Variants in BAZ2B observed in about 807,000 individuals in gnomAD.
The protein encoded by BAZ2B is bromodomain adjacent to zinc finger domain 2B.
In BAZ2B, 91 loss-of-function variants were observed where a neutral mutation model predicts 246.0. That is an observed-to-expected ratio of 0.37 (90% CI 0.31 to 0.44). The LOEUF (loss-of-function observed/expected upper bound fraction) is 0.44. Among genes scored for constraint, BAZ2B ranks in the 20% least tolerant of loss-of-function variants. BAZ2B has a pLI of 1.00. For missense variants in BAZ2B, 2,332 were observed against 2,533.7 expected (o/e 0.92, Z 1.71); for synonymous variants, 855 against 860.0 (o/e 0.99, Z 0.10).
chr2:159,337,822 G>A (rs1044918554), intron 31 of BAZ2B, 50 bp from the exon 32 acceptor site: 12 of 1,535,882 alleles, frequency 7.8e-6, no homozygotes, highest in East Asian at 6.8e-5. Context: ...AAAATGCTAG[G>A]TGGGTGAATT....
At chr2:159,375,052 C>A (rs573787074) in intron 25 of BAZ2B, among the ~76,000 whole-genome samples, 3 of 152,104 alleles carry the variant, frequency 2.0e-5, no homozygotes, top group Admixed American at 6.5e-5. Flanking sequence ...CCAGTATCTA[C>A]GAAAAATAAA....
At chr2:159,414,070 A>T (rs2067245737) in intron 13 of BAZ2B, among the ~76,000 whole-genome samples, 1 of 152,224 alleles carries the variant, frequency 6.6e-6, no homozygotes, top group African/African-American at 2.4e-5. Context: ...TGGAGTACTT[A>T]TTCAGCCATA....
At chr2:159,604,951 T>TGTGCGCGC (rs137899225) in intron 1 of BAZ2B, among the ~76,000 whole-genome samples, 1 of 144,328 alleles carries the variant, frequency 6.9e-6, no homozygotes, top group African/African-American at 2.6e-5. Context: ...TGTGTGTGTG[T>TGTGCGCGC]GCGCGTGTGT....
chr2:159,525,319 G>GA (rs1159919354), intron 2 of BAZ2B, among the ~76,000 whole-genome samples: 1 of 152,062 alleles, frequency 6.6e-6, no homozygotes, highest in African/African-American at 2.4e-5. Context: ...CTAATAACAG[G>GA]AATCATGAGT....
intron 25 of BAZ2B, among the ~76,000 whole-genome samples, chr2:159,381,267 T>C (rs2061967235): frequency 6.6e-6 from 1 of 152,166 alleles, no homozygotes; most frequent in Non-Finnish European, 1.5e-5. Context: ...TCTAACTGAC[T>C]GCTAAGCTCC....
chr2:159,432,462 C>T (rs1157696828), intron 9 of BAZ2B, among the ~76,000 whole-genome samples: 1 of 152,030 alleles, frequency 6.6e-6, no homozygotes, highest in East Asian at 1.9e-4. Context: ...AAGAGTGGTC[C>T]TGAATGAAAT....
At chr2:159,321,827 T>G (rs190893962) in intron 36 of BAZ2B, 2 of 152,184 alleles carry the variant, frequency 1.3e-5, no homozygotes, top group Non-Finnish European at 2.9e-5. Context: ...AGACCTAGTA[T>G]GTGACAGCAC....
chr2:159,469,395 A>T (rs1358765887), intron 3 of BAZ2B, among the ~76,000 whole-genome samples: 1 of 152,060 alleles, frequency 6.6e-6, no homozygotes, highest in African/African-American at 2.4e-5. Context: ...AGAGAAAAAG[A>T]TATCCTGAAT....
At chr2:159,577,644 T>G (rs1033603328) in intron 1 of BAZ2B, among the ~76,000 whole-genome samples, 12 of 152,136 alleles carry the variant, frequency 7.9e-5, no homozygotes, top group Admixed American at 2.0e-4. Context: ...TAGAGAAACC[T>G]GACAGCCTAG....
chr2:159,316,687 C>T (rs1262107328), downstream of BAZ2B, among the ~76,000 whole-genome samples: 2 of 18,748 alleles, frequency 1.1e-4, no homozygotes, highest in Non-Finnish European at 3.4e-4. Context: ...AAGACTCCAT[C>T]TCAAAAAAAA....
At chr2:159,611,059 T>C (rs1694620949) in intron 1 of BAZ2B, among the ~76,000 whole-genome samples, 1 of 151,946 alleles carries the variant, frequency 6.6e-6, no homozygotes, top group Non-Finnish European at 1.5e-5. Flanking sequence ...ATGAATTAAA[T>C]ATATTTATTA....
chr2:159,652,563 T>C, the BAZ2B span, among the ~76,000 whole-genome samples: 3 of 152,056 alleles, frequency 2.0e-5, no homozygotes, highest in East Asian at 1.9e-4. Flanking sequence ...TGGCATCTCA[T>C]TGTGGTTCTG....
chr2:159,373,887 A>G (rs1041243487), intron 26 of BAZ2B, among the ~76,000 whole-genome samples: 3 of 152,202 alleles, frequency 2.0e-5, no homozygotes, highest in African/African-American at 7.2e-5. Flanking sequence ...GTATTTGCCT[A>G]TGTTTACACT....
intron 13 of BAZ2B, among the ~76,000 whole-genome samples, chr2:159,425,900 A>G (rs1000089325): frequency 2.6e-5 from 4 of 152,202 alleles, no homozygotes; most frequent in Admixed American, 2.6e-4. Flanking sequence ...ACAATCCAGT[A>G]TATAAAAATG....
chr2:159,385,294 A>G lies in BAZ2B; in HGVS notation c.3547T>C (p.Phe1183Leu). Residue 1183 changes from phenylalanine to leucine, a missense_variant, in exon 23 of 37, where the codon TTT becomes CTT. This residue lies in a region of BAZ2B where 328 missense variants were observed against 410.4 expected (regional missense o/e 0.80). Coordinates refer to ENST00000392783, the MANE Select transcript of BAZ2B (RefSeq NM_013450.4). ...RDNVSEILQI[F>L]MEAHCGQTEL... ...GTTTGTCCACAGTGGGCTTCCATAA[A>G]TATCTGTAAAATCTCGGAAACATTG... 2 of 1,613,438 alleles carry G rather than the reference A, an allele frequency of 1.2e-6. No homozygotes were observed. The highest frequency in any genetic ancestry group is 1.7e-5 in the Admixed American group (1 of 59,894).
At chr2:159,503,419 A>T (rs1350414457) in intron 2 of BAZ2B, among the ~76,000 whole-genome samples, 3 of 151,610 alleles carry the variant, frequency 2.0e-5, no homozygotes, top group Non-Finnish European at 4.4e-5. Flanking sequence ...TCCTACATAT[A>T]CTCTAGGTCT....
the BAZ2B span, among the ~76,000 whole-genome samples, chr2:159,648,247 C>T: frequency 6.6e-6 from 1 of 152,230 alleles, no homozygotes; most frequent in East Asian, 1.9e-4. Flanking sequence ...AAGAGATTCT[C>T]CTGCCTCAGC....
chr2:159,567,379 A>G lies in BAZ2B; in HGVS notation c.-45-11514T>C, dbSNP rs116742683. On this transcript the variant is annotated intron_variant, in intron 1 of 36. Coordinates refer to ENST00000392783, the MANE Select transcript of BAZ2B (RefSeq NM_013450.4). ...CAGCTTTTATTTGTTTATATCACTT[A>G]CAGTATTCATAAGGTAAAAATAAAT... Among the ~76,000 whole-genome samples, 548 of 152,334 alleles carry G rather than the reference A, an allele frequency of 3.6e-3. 5 individuals carry two copies. Among genetic ancestry groups the G allele is most frequent in the African/African-American group, 0.013 (524 of 41,576 alleles).
intron 31 of BAZ2B, among the ~76,000 whole-genome samples, chr2:159,345,167 C>T (rs964253484): frequency 6.6e-6 from 1 of 150,674 alleles, no homozygotes; most frequent in Non-Finnish European, 1.5e-5. Flanking sequence ...GCTGAGATCA[C>T]GCCACTATAC....
Sources: gnomAD v4.1 joint callset for allele counts (sites outside exome capture counted in the v4.1 genomes callset) on GRCh38, gnomAD v4.1.1 for gene constraint, gnomAD v4.1.1 regional missense constraint, MANE v1.5 for transcripts, NCBI Gene and HGNC (gene_info 2026-07-23, HGNC 2026-07-21) for gene names.